HFM1: variants seen among roughly 807,000 people sequenced by gnomAD.
HFM1 encodes the protein probable ATP-dependent DNA helicase HFM1.
A neutral mutation model predicts 192.1 loss-of-function variants in HFM1; 169 were observed. That is an observed-to-expected ratio of 0.88 (90% confidence interval 0.78 to 1.00). The LOEUF is 1.00. Among genes scored for constraint, HFM1 ranks in the 50% least tolerant of loss-of-function variants. HFM1 has a pLI of 0.00. For synonymous variants in HFM1, 525 were observed against 537.8 expected, an observed-to-expected ratio of 0.98 and a Z score of 0.33; for missense variants, 1,661 against 1,668.0, an observed-to-expected ratio of 1.00 and a Z score of 0.07.
intron 19 of HFM1, among the ~76,000 whole-genome samples, chr1:91,344,202 C>T (rs1476403563): frequency 6.6e-6 from 1 of 152,190 alleles, no homozygotes; most frequent in Non-Finnish European, 1.5e-5. Flanking sequence ...CTGCTGCTGA[C>T]AGTTCCTTCT....
rs1320693982 is a variant in HFM1, at chr1:91,277,740, TATATATACTTTATATATA to T, written c.3392-696_3392-679del. Among the ~76,000 whole-genome samples the T allele has an allele frequency of 5.8e-3, 491 of 85,130 alleles. 34 individuals carry two copies. Among genetic ancestry groups the T allele is most frequent in the African/African-American group, 0.028 (462 of 16,288 alleles). The allele number at this position is 85,130 out of a possible 152,430, so 55.8% of individuals were successfully genotyped here. A position where few individuals can be genotyped will look rare whatever the true frequency, so the allele number is the denominator to read the frequency against. On this transcript the variant is annotated intron_variant, in intron 30 of 38. Coordinates refer to ENST00000370425, the MANE Select transcript of HFM1 (RefSeq NM_001017975.6). ...ATATAATATATACTAATATATATAA[TATATATACTTTATATATA>T]ATATATACTAATATATATAATGTAT...
intron 4 of HFM1, among the ~76,000 whole-genome samples, chr1:91,386,995 A>G (rs528202718): frequency 6.6e-6 from 1 of 152,366 alleles, no homozygotes; most frequent in South Asian, 2.1e-4. Context: ...AGTTCTAAAA[A>G]CAAGGAAACA....
intron 20 of HFM1, among the ~76,000 whole-genome samples, chr1:91,338,791 C>G (rs776895428): frequency 6.6e-6 from 1 of 152,168 alleles, no homozygotes; most frequent in Non-Finnish European, 1.5e-5. Flanking sequence ...ATGGACCCTG[C>G]TGTGCCACCA....
At chr1:91,354,130 A>G (rs536984355) in intron 13 of HFM1, among the ~76,000 whole-genome samples, 1 of 151,892 alleles carries the variant, frequency 6.6e-6, no homozygotes, top group Non-Finnish European at 1.5e-5. Context: ...CATTATCTGC[A>G]CAAGAAAGTT....
intron 13 of HFM1, among the ~76,000 whole-genome samples, chr1:91,368,681 C>T (rs1020937465): frequency 1.2e-4 from 18 of 152,184 alleles, no homozygotes; most frequent in African/African-American, 4.3e-4. Flanking sequence ...TAGGAAGAAA[C>T]TGCATCCACT....
rs754837324 is a variant in HFM1, at chr1:91,359,793, G to A, written c.1686-6494C>T. On this transcript the variant is annotated intron_variant, in intron 13 of 38. Transcript: ENST00000370425. ...AGAACCCCAGGAAGATACTCCACAC[G>A]AACATCAACCTGAAAAGACATAATC... 7.2e-5 allele frequency among the ~76,000 whole-genome samples: 11 copies of A among 152,214 alleles called. No individual in the cohort carries two copies. The East Asian group carries it at 1.2e-3, about 16-fold the overall frequency.
intron 6 of HFM1, among the ~76,000 whole-genome samples, chr1:91,381,245 A>T (rs1446434626): frequency 6.6e-6 from 1 of 152,162 alleles, no homozygotes; most frequent in African/African-American, 2.4e-5. Flanking sequence ...AATATGATGG[A>T]AGAGATGCAA....
At chr1:91,309,366 A>C (rs1650107835) in intron 30 of HFM1, among the ~76,000 whole-genome samples, 1 of 152,224 alleles carries the variant, frequency 6.6e-6, no homozygotes, top group South Asian at 2.1e-4. Context: ...AGCCATGTAA[A>C]TGTTTTACAT....
intron 30 of HFM1, among the ~76,000 whole-genome samples, chr1:91,305,216 G>C (rs1649425644): frequency 6.6e-6 from 1 of 152,116 alleles, no homozygotes; most frequent in Non-Finnish European, 1.5e-5. Context: ...ACTACAGCTA[G>C]GATTTTGATA....
intron 20 of HFM1, among the ~76,000 whole-genome samples, chr1:91,332,895 A>G (rs886125420): frequency 5.3e-5 from 8 of 152,244 alleles, no homozygotes; most frequent in African/African-American, 1.9e-4. Context: ...CAAAAGTACA[A>G]TGAGATATCA....
At chr1:91,359,556 A>C (rs80348052) in intron 13 of HFM1, among the ~76,000 whole-genome samples, 2 of 230 alleles carry the variant, frequency 8.7e-3, no homozygotes, top group African/African-American at 0.012. Flanking sequence ...AAGAATACAA[A>C]AAAAAAAAAA....
chr1:91,329,335 G>A (rs111825754), intron 20 of HFM1: 13 of 1,604,400 alleles, frequency 8.1e-6, no homozygotes, highest in African/African-American at 4.0e-5. Context: ...TCTGAGGAGC[G>A]AATCCACAGT....
At chr1:91,329,994 G>A (rs1653568874) in intron 20 of HFM1, among the ~76,000 whole-genome samples, 1 of 152,184 alleles carries the variant, frequency 6.6e-6, no homozygotes, top group African/African-American at 2.4e-5. Flanking sequence ...GCAGATGGGA[G>A]GAACTGCTGA....
chr1:91,390,323 C>T (rs187258402), intron 4 of HFM1, among the ~76,000 whole-genome samples: 415 of 151,926 alleles, frequency 2.7e-3, no homozygotes, highest in African/African-American at 9.4e-3. Flanking sequence ...GTAGTTCTAG[C>T]TACTCGGGAG....
chr1:91,363,716 T>G (rs977029836), intron 13 of HFM1, among the ~76,000 whole-genome samples: 1 of 152,166 alleles, frequency 6.6e-6, no homozygotes, highest in African/African-American at 2.4e-5. Context: ...AATTATTATT[T>G]TATAAGGATA....
chr1:91,327,953 G>A (rs186164050), intron 20 of HFM1, among the ~76,000 whole-genome samples: 8 of 151,926 alleles, frequency 5.3e-5, no homozygotes, highest in African/African-American at 1.9e-4. Flanking sequence ...CAAAACCAAT[G>A]GGATACAGCA....
At chr1:91,263,834 A>G (rs1393348605) in intron 36 of HFM1, among the ~76,000 whole-genome samples, 2 of 152,170 alleles carry the variant, frequency 1.3e-5, no homozygotes, top group Non-Finnish European at 2.9e-5. Context: ...TTCTTGTTAG[A>G]ATCCATTTTT....
In HFM1 at chr1:91,276,704, G is replaced by C; in HGVS notation, c.3512C>G (p.Ser1171Ter). The change falls in exon 32 of 39, where the codon TCA becomes TGA. Residue 1171 changes from serine (S) to a stop codon, truncating the protein, a stop_gained. Transcript: ENST00000370425. LOFTEE classifies it high-confidence loss of function. Reference protein sequence around the residue: ...GVAQKSEIKESTISSYLSDLR... With the variant: ...GVAQKSEIKE The stretch of plus-strand genomic sequence containing the variant: ...ATCAGATAAATATGAAGAAATTGTT[G>C]ACTCTTTAATTTCTGACTTCTGTGC... 1 of 1,558,076 alleles carries C rather than the reference G, an allele frequency of 6.4e-7. No individual in the cohort carries two copies. Among genetic ancestry groups the C allele is most frequent in the Non-Finnish European group, 8.6e-7 (1 of 1,156,774 alleles).
chr1:91,334,425 C>T (rs1416990478), intron 20 of HFM1, among the ~76,000 whole-genome samples: 2 of 151,746 alleles, frequency 1.3e-5, no homozygotes, highest in Non-Finnish European at 1.5e-5. Flanking sequence ...ATAGAGAGGC[C>T]CTGAAAGAGC....
Sources: gnomAD v4.1 joint callset for allele counts (sites outside exome capture counted in the v4.1 genomes callset) on GRCh38, gnomAD v4.1.1 for gene constraint, MANE v1.5 for transcripts, NCBI Gene and HGNC (gene_info 2026-07-23, HGNC 2026-07-21) for gene names.